Variants in ITGA9 observed in about 807,000 individuals in gnomAD.
ITGA9 encodes the protein integrin alpha-9.
Under a neutral mutation model 127.8 loss-of-function variants are expected in ITGA9, and 56 were observed. That is an observed-to-expected ratio of 0.44 (90% CI 0.35 to 0.55). ITGA9 has a LOEUF of 0.55. ITGA9 is among the 20% of genes least tolerant of loss of function. The pLI, the probability that ITGA9 is intolerant of heterozygous loss-of-function variation, is 0.00. For synonymous variants in ITGA9, 508 were observed against 514.5 expected (o/e 0.99, Z 0.17); for missense variants, 1,196 against 1,347.1 (o/e 0.89, Z 1.76).
intron 26 of ITGA9, among the ~76,000 whole-genome samples, chr3:37,793,930 C>G (rs914576251): frequency 2.0e-5 from 3 of 152,104 alleles, no homozygotes; most frequent in Admixed American, 2.0e-4. Flanking sequence ...GCATGACAAA[C>G]CTGGGGGCTG....
At chr3:37,689,414 G>A (rs372621833) in intron 18 of ITGA9, among the ~76,000 whole-genome samples, 4 of 152,294 alleles carry the variant, frequency 2.6e-5, no homozygotes, top group South Asian at 4.1e-4. Flanking sequence ...CTACTCTGCT[G>A]GCTGGCGTGT....
intron 15 of ITGA9, among the ~76,000 whole-genome samples, chr3:37,619,815 A>G (rs1163289768): frequency 6.6e-6 from 1 of 152,072 alleles, no homozygotes; most frequent in Admixed American, 6.5e-5. Flanking sequence ...GCCCAGGGTG[A>G]CTTGCTTCTT....
intron 17 of ITGA9, among the ~76,000 whole-genome samples, chr3:37,658,507 C>A (rs770838722): frequency 3.3e-5 from 5 of 152,094 alleles, no homozygotes; most frequent in Non-Finnish European, 5.9e-5. Context: ...AGGATTGCAA[C>A]CCCTACTCTC....
At chr3:37,558,150 C>A (rs1559536190) in intron 15 of ITGA9, among the ~76,000 whole-genome samples, 1 of 152,170 alleles carries the variant, frequency 6.6e-6, no homozygotes, top group Non-Finnish European at 1.5e-5. Flanking sequence ...TCTGTGAGTC[C>A]AGGGCAGGCA....
intron 23 of ITGA9, among the ~76,000 whole-genome samples, chr3:37,751,476 G>A (rs6780821): frequency 0.016 from 2,501 of 152,212 alleles, 70 homozygotes; most frequent in African/African-American, 0.056. Flanking sequence ...AGTTGTTCAC[G>A]TGAACATCTA....
At chr3:37,606,349 G>T (rs1699968693) in intron 15 of ITGA9, among the ~76,000 whole-genome samples, 1 of 152,176 alleles carries the variant, frequency 6.6e-6, no homozygotes, top group Non-Finnish European at 1.5e-5. Context: ...CGTTCTGTGT[G>T]TGCCCTGTTC....
chr3:37,525,740 G>A (rs1699086260), intron 12 of ITGA9, among the ~76,000 whole-genome samples: 1 of 152,144 alleles, frequency 6.6e-6, no homozygotes, highest in Admixed American at 6.5e-5. Flanking sequence ...GTAGTTAATG[G>A]TTTTCTGTAC....
chr3:37,744,659 G>T (rs915916135), intron 22 of ITGA9, among the ~76,000 whole-genome samples: 3 of 152,198 alleles, frequency 2.0e-5, no homozygotes, highest in African/African-American at 7.2e-5. Context: ...TTAGTTGGGG[G>T]TCAGCAAACT....
At chr3:37,810,442 GTCTCAC>G (rs1044905364) in intron 27 of ITGA9, among the ~76,000 whole-genome samples, 1 of 149,988 alleles carries the variant, frequency 6.7e-6, no homozygotes, top group Admixed American at 6.6e-5. Context: ...TTTTGACAGA[GTCTCAC>G]TCTGTCACCC....
chr3:37,734,272 T>A (rs1207655725), intron 19 of ITGA9, among the ~76,000 whole-genome samples: 1 of 152,094 alleles, frequency 6.6e-6, no homozygotes, highest in Non-Finnish European at 1.5e-5. Flanking sequence ...AGGGTGAGGG[T>A]GGAGATAAAG....
At chr3:37,557,627 G>C (rs908166918) in intron 15 of ITGA9, among the ~76,000 whole-genome samples, 3 of 151,970 alleles carry the variant, frequency 2.0e-5, no homozygotes, top group African/African-American at 4.8e-5. Flanking sequence ...ATGTATTAAG[G>C]GCTATGTAAA....
intron 18 of ITGA9, among the ~76,000 whole-genome samples, chr3:37,731,493 T>G (rs1259732483): frequency 2.0e-5 from 3 of 152,224 alleles, no homozygotes; most frequent in Non-Finnish European, 1.5e-5. Flanking sequence ...TAGAGTTTAG[T>G]TTTATATTTA....
Position 37,597,990 on chromosome 3 carries a change from CT to C in ITGA9, c.1690-31196del, listed in dbSNP as rs1699884558. Among the ~76,000 whole-genome samples, 1 of 152,194 alleles carries C rather than the reference CT, an allele frequency of 6.6e-6. No individual in the cohort carries two copies. The highest frequency in any genetic ancestry group is 1.5e-5 in the Non-Finnish European group (1 of 68,030). Reference sequence around the variant, plus strand: ...GAATTGGGCCCTTGATAAGATCATCCTAACACAGAGGCAGATGTAGATTTGA... The same window carrying C: ...GAATTGGGCCCTTGATAAGATCATCCAACACAGAGGCAGATGTAGATTTGA... On this transcript the variant is annotated intron_variant, in intron 15 of 27. Coordinates refer to ENST00000264741, the MANE Select transcript of ITGA9 (RefSeq NM_002207.3). This position sits in a 1 kb window ranked among gnomAD's most constrained non-coding sequence, Gnocchi z 4.6.
intron 23 of ITGA9, among the ~76,000 whole-genome samples, chr3:37,771,039 T>C (rs1464383522): frequency 6.6e-6 from 1 of 152,224 alleles, no homozygotes; most frequent in Non-Finnish European, 1.5e-5. Context: ...GGTGAAGTCC[T>C]TTTGTTCAAA....
intron 23 of ITGA9, among the ~76,000 whole-genome samples, chr3:37,759,167 G>A (rs2844383): frequency 0.98 from 149,219 of 151,874 alleles, 73,358 homozygotes; most frequent in Middle Eastern, 1. Context: ...ATCAGAGGCT[G>A]CACACTCCAG....
At chr3:37,773,866 T>C (rs1391252521) in intron 23 of ITGA9, among the ~76,000 whole-genome samples, 1 of 152,248 alleles carries the variant, frequency 6.6e-6, no homozygotes, top group East Asian at 1.9e-4. Flanking sequence ...ATGTTTAACT[T>C]AATCATGTGG....
In ITGA9 at chr3:37,452,535, A is replaced by T; in HGVS notation, c.161A>T (p.Glu54Val). 6.5e-7 allele frequency: 1 copy of T among 1,527,416 alleles called. No homozygotes were observed. Among genetic ancestry groups the T allele is most frequent in the Non-Finnish European group, 8.8e-7 (1 of 1,137,362 alleles). 94.6% of individuals were successfully genotyped at this position (1,527,416 alleles called of 1,614,324 possible). The change falls in exon 1 of 28, where the codon GAG becomes GTG. Residue 54 changes from glutamate (E) to valine (V), a missense_variant. Physicochemically the swap from Glu to Val is moderately radical, Grantham distance 121. Coordinates refer to ENST00000264741, the MANE Select transcript of ITGA9 (RefSeq NM_002207.3). The surrounding 1 kb of genome is among the most constrained non-coding windows in gnomAD (Gnocchi z 7.3). ...TCGTTCTTCGGCTACGCAGTTCTGG[A>T]GCATTTCCACGACAACACGCGCTGG... ...ADSFFGYAVL[E>V]HFHDNTRWVL...
chr3:37,768,466 G>A (rs1696804287), intron 23 of ITGA9, among the ~76,000 whole-genome samples: 2 of 152,172 alleles, frequency 1.3e-5, no homozygotes, highest in African/African-American at 4.8e-5. Flanking sequence ...TGATGCCTTG[G>A]TTCTCAGAGT....
chr3:37,644,037 CA>C (rs1479777323), intron 16 of ITGA9, among the ~76,000 whole-genome samples: 2 of 152,076 alleles, frequency 1.3e-5, no homozygotes, highest in South Asian at 2.1e-4. Context: ...ACATAGAACA[CA>C]AAAAATTCCA....
Sources: gnomAD v4.1 joint callset for allele counts (sites outside exome capture counted in the v4.1 genomes callset) on GRCh38, gnomAD v4.1.1 for gene constraint, Gnocchi (gnomAD v3.1) non-coding constraint, MANE v1.5 for transcripts, NCBI Gene and HGNC (gene_info 2026-07-23, HGNC 2026-07-21) for gene names.